The following AOPEP variants were observed in gnomAD, a reference collection of about 807,000 sequenced individuals.
The protein encoded by AOPEP is aminopeptidase O.
Under a neutral mutation model 98.1 loss-of-function variants are expected in AOPEP, and 77 were observed. The ratio of observed to expected loss-of-function variants is 0.78; its 90% CI spans 0.65 to 0.95. AOPEP has a LOEUF of 0.95. Ranked by LOEUF, AOPEP falls within the 40% of genes least tolerant of loss-of-function variation. AOPEP has a pLI of 0.00. For synonymous variants in AOPEP, 346 were observed against 365.3 expected (o/e 0.95, Z 0.60); for missense variants, 1,024 against 1,024.7 (o/e 1.00, Z 0.01).
chr9:94,755,664 A>G (rs756092483), intron 1 of AOPEP, among the ~76,000 whole-genome samples: 3 of 152,208 alleles, frequency 2.0e-5, no homozygotes, highest in Non-Finnish European at 2.9e-5. Flanking sequence ...AAGATGTGGA[A>G]AAGAGACTTA....
chr9:94,914,854 G>C (rs1170351329), intron 5 of AOPEP, among the ~76,000 whole-genome samples: 1 of 152,200 alleles, frequency 6.6e-6, no homozygotes, highest in South Asian at 2.1e-4. Flanking sequence ...CTCTCTTGGG[G>C]TGAGGCCCAG....
chr9:95,073,329 C>T (rs543981698), intron 14 of AOPEP, among the ~76,000 whole-genome samples: 91 of 152,076 alleles, frequency 6.0e-4, no homozygotes, highest in Non-Finnish European at 1.1e-3. Flanking sequence ...CCTGAGCCGA[C>T]GAGGGTCCAG....
intron 1 of AOPEP, among the ~76,000 whole-genome samples, chr9:94,757,388 A>G (rs1837295421): frequency 6.6e-6 from 1 of 152,232 alleles, no homozygotes. Context: ...ACGTTTCATC[A>G]CTTAAAACAC....
chr9:95,050,525 G>A (rs1302438409), intron 13 of AOPEP, among the ~76,000 whole-genome samples: 1 of 152,084 alleles, frequency 6.6e-6, no homozygotes, highest in Non-Finnish European at 1.5e-5. Context: ...CTGAAACTTT[G>A]GATAGGAGAT....
chr9:94,953,038 A>G (rs1249015920), intron 7 of AOPEP, among the ~76,000 whole-genome samples: 4 of 152,214 alleles, frequency 2.6e-5, no homozygotes, highest in African/African-American at 9.6e-5. Flanking sequence ...AGCAGTCTCA[A>G]TTCAGGGCTC....
chr9:94,913,134 G>A (rs1351558365), intron 5 of AOPEP, among the ~76,000 whole-genome samples: 2 of 152,150 alleles, frequency 1.3e-5, no homozygotes, highest in Non-Finnish European at 2.9e-5. Flanking sequence ...TTTTCACCAC[G>A]GTGAACACAT....
the AOPEP span, chr9:95,111,535 G>C: frequency 1.2e-6 from 2 of 1,614,100 alleles, no homozygotes; most frequent in Non-Finnish European, 1.7e-6. Context: ...GCAGGGCCGT[G>C]GGGGGTTCGG....
intron 14 of AOPEP, among the ~76,000 whole-genome samples, chr9:95,063,617 G>A (rs1304811084): frequency 6.6e-6 from 1 of 152,216 alleles, no homozygotes; most frequent in East Asian, 1.9e-4. Context: ...AGCGTGCCCT[G>A]CTTTGAGTTT....
rs147475069 is a variant in AOPEP, at chr9:94,854,873, T to A, written c.1364+53871T>A. On this transcript the variant is annotated intron_variant, in intron 5 of 16. Coordinates refer to ENST00000375315, the MANE Select transcript of AOPEP (RefSeq NM_001193329.3). Reference sequence around the variant, plus strand: ...GCACCAAACGAGCTCTACATATGAGTTAGGATGTTCTAACTTAGAAGAAAC... The same window carrying A: ...GCACCAAACGAGCTCTACATATGAGATAGGATGTTCTAACTTAGAAGAAAC... 2.2e-4 allele frequency among the ~76,000 whole-genome samples: 33 copies of A among 152,012 alleles called. 1 individual carries two copies. In the East Asian group the frequency reaches 6.4e-3, roughly 29 times the overall value.
intron 5 of AOPEP, among the ~76,000 whole-genome samples, chr9:94,832,416 A>G (rs1349950003): frequency 1.3e-5 from 2 of 152,192 alleles, no homozygotes; most frequent in African/African-American, 4.8e-5. Context: ...TTGACAACGT[A>G]CTCTCTTGGA....
chr9:95,092,017 C>T (rs920753891), downstream of AOPEP, among the ~76,000 whole-genome samples: 3 of 151,810 alleles, frequency 2.0e-5, 1 homozygote, highest in Admixed American at 1.3e-4. Flanking sequence ...AGGCTGTGGC[C>T]TGAGAGAGTT....
chr9:95,042,269 G>A (rs913034823), intron 13 of AOPEP, among the ~76,000 whole-genome samples: 17 of 150,430 alleles, frequency 1.1e-4, no homozygotes, highest in East Asian at 3.9e-4. Context: ...CCGAGATTGC[G>A]CCACTGCACT....
At chr9:95,098,175 G>A in the AOPEP span, among the ~76,000 whole-genome samples, 15 of 152,192 alleles carry the variant, frequency 9.9e-5, no homozygotes, top group Non-Finnish European at 1.9e-4. Flanking sequence ...TCTGGGCAGC[G>A]TAAGGCCAGG....
At chr9:94,914,904 T>A (rs1466848577) in intron 5 of AOPEP, among the ~76,000 whole-genome samples, 1 of 152,216 alleles carries the variant, frequency 6.6e-6, no homozygotes. Context: ...GGCTGCCAGC[T>A]TTTAGCAAAT....
intron 5 of AOPEP, among the ~76,000 whole-genome samples, chr9:94,812,838 G>C (rs1850904692): frequency 6.6e-6 from 1 of 152,162 alleles, no homozygotes; most frequent in South Asian, 2.1e-4. Flanking sequence ...GCATCAGTTA[G>C]ACCTTAGGAT....
At chr9:95,132,368 C>G in the AOPEP span, among the ~76,000 whole-genome samples, 1 of 152,202 alleles carries the variant, frequency 6.6e-6, no homozygotes, top group East Asian at 1.9e-4. Context: ...CTTGGGAAAC[C>G]GAACAATGCC....
chr9:95,061,822 G>C lies in AOPEP; in HGVS notation c.2232+1012G>C, dbSNP rs144499975. ...TGAAAAACTCCAGAGGGGACATGTA[G>C]CTTTTTACCCACCTGAGCATAGACC... On this transcript the variant is annotated intron_variant, in intron 14 of 16. Coordinates refer to ENST00000375315, the MANE Select transcript of AOPEP (RefSeq NM_001193329.3). Among the ~76,000 whole-genome samples the C allele has an allele frequency of 3.9e-5, 6 of 152,310 alleles. No homozygotes were observed. In the East Asian group the frequency reaches 1.2e-3, roughly 29 times the overall value.
chr9:95,100,255 G>A, the AOPEP span: 1 of 230,666 alleles, frequency 4.3e-6, no homozygotes, highest in African/African-American at 2.3e-5. Flanking sequence ...TGAAGGCAAT[G>A]ACCATGATGG....
At chr9:94,729,589 AAAAG>A (rs1334210029) in intron 1 of AOPEP, among the ~76,000 whole-genome samples, 4 of 151,432 alleles carry the variant, frequency 2.6e-5, no homozygotes, top group South Asian at 2.1e-4. Context: ...AAAAAAAAAA[AAAAG>A]AAAGAAAAGA....
Sources: gnomAD v4.1 joint callset for allele counts (sites outside exome capture counted in the v4.1 genomes callset) on GRCh38, gnomAD v4.1.1 for gene constraint, MANE v1.5 for transcripts, NCBI Gene and HGNC (gene_info 2026-07-23, HGNC 2026-07-21) for gene names.